Variants in DMD observed in about 807,000 individuals in gnomAD.
DMD encodes the protein mutant dystrophin.
Under a neutral mutation model 330.1 loss-of-function variants are expected in DMD, and 63 were observed. The ratio of observed to expected loss-of-function variants is 0.19; its 90% CI spans 0.16 to 0.24. DMD has a LOEUF of 0.24. Among genes scored for constraint, DMD ranks in the 10% least tolerant of loss-of-function variants. DMD has a pLI of 1.00. For synonymous variants in DMD, 1,223 were observed against 959.8 expected (o/e 1.27, Z -5.07); for missense variants, 3,344 against 2,684.1 (o/e 1.25, Z -5.43).
intron 2 of DMD, among the ~76,000 whole-genome samples, chrX:32,922,516 G>C (rs759053335): frequency 2.7e-5 from 3 of 112,270 alleles, no homozygotes; most frequent in East Asian, 2.8e-4. Context: ...GGGCTGGGGA[G>C]ATGGTTTGGG....
chrX:31,227,158 T>C (rs1321385469), intron 63 of DMD, among the ~76,000 whole-genome samples: 1 of 111,095 alleles, frequency 9.0e-6, no homozygotes, highest in Non-Finnish European at 1.9e-5. Context: ...CTACCCTCTT[T>C]TCCTATTTTC....
chrX:32,688,780 A>C (rs1374237474), intron 9 of DMD, among the ~76,000 whole-genome samples: 1 of 111,817 alleles, frequency 8.9e-6, no homozygotes, highest in Non-Finnish European at 1.9e-5. Flanking sequence ...TTCTTCGAAA[A>C]GTTTAACACC....
chrX:32,775,848 G>A (rs1408010316), intron 7 of DMD, among the ~76,000 whole-genome samples: 2 of 112,830 alleles, frequency 1.8e-5, no homozygotes, highest in African/African-American at 6.4e-5. Context: ...TTACTCCCTA[G>A]AAAATGGGTT....
chrX:33,260,562 C>A (rs1458107643), intron 1 of DMD, among the ~76,000 whole-genome samples: 2 of 110,872 alleles, frequency 1.8e-5, no homozygotes. Context: ...ATTACTGTTA[C>A]AAAATATAGA....
intron 2 of DMD, among the ~76,000 whole-genome samples, chrX:32,964,362 C>T (rs2147070917): frequency 9.1e-6 from 1 of 109,824 alleles, no homozygotes; most frequent in African/African-American, 3.3e-5. Context: ...AGCATTTACT[C>T]TGCTTTGCTT....
At chrX:32,587,835 A>G (rs2054464506) in intron 13 of DMD, among the ~76,000 whole-genome samples, 2 of 111,808 alleles carry the variant, frequency 1.8e-5, no homozygotes, top group South Asian at 3.7e-4. Context: ...ATTGCTTACT[A>G]TATTTCAGTG....
At chrX:31,408,828 A>G (rs960061661) in intron 60 of DMD, among the ~76,000 whole-genome samples, 2 of 112,206 alleles carry the variant, frequency 1.8e-5, no homozygotes, top group Admixed American at 9.4e-5. Flanking sequence ...GTACATGTGC[A>G]CAACGTGCAG....
Position 32,258,344 on chromosome X carries a change from C to T in DMD, c.6290+29185G>A, listed in dbSNP as rs1040987117. 5.4e-5 allele frequency among the ~76,000 whole-genome samples: 6 copies of T among 111,588 alleles called. No homozygotes were observed. In the Admixed American group the frequency reaches 5.7e-4, roughly 11 times the overall value. On this transcript the variant is annotated intron_variant, in intron 43 of 78. Coordinates refer to ENST00000357033, the MANE Select transcript of DMD (RefSeq NM_004006.3). ...TACCCAAAGTATTATAAATCATTCTCCTATAAAGACACATGCACACGTATG... is the reference window on the plus strand; with the variant it reads ...TACCCAAAGTATTATAAATCATTCTTCTATAAAGACACATGCACACGTATG...
intron 48 of DMD, among the ~76,000 whole-genome samples, chrX:31,863,712 A>G (rs1160443287): frequency 8.9e-6 from 1 of 111,809 alleles, no homozygotes; most frequent in Non-Finnish European, 1.9e-5. Context: ...TACTTTAAAT[A>G]CTACTCAATC....
At chrX:32,969,091 GAGGAATC>G (rs1322103023) in intron 2 of DMD, among the ~76,000 whole-genome samples, 2 of 99,463 alleles carry the variant, frequency 2.0e-5, no homozygotes, top group Admixed American at 1.1e-4. Flanking sequence ...TCCACCATGT[GAGGAATC>G]ATCAACAAGA....
chrX:32,589,759 AACTCCTCAGG>A (rs1179361472), intron 13 of DMD, among the ~76,000 whole-genome samples: 5 of 111,527 alleles, frequency 4.5e-5, no homozygotes, highest in Non-Finnish European at 7.5e-5. Flanking sequence ...ATGATATTCT[AACTCCTCAGG>A]ACATAGCTAT....
In DMD at chrX:32,252,787, T is replaced by TAA. The variant is rs1161396690; in HGVS notation, c.6290+34741_6290+34742insTT. On this transcript the variant is annotated intron_variant, in intron 43 of 78. Coordinates refer to ENST00000357033, the MANE Select transcript of DMD (RefSeq NM_004006.3). The stretch of plus-strand genomic sequence containing the variant: ...AAATATATATAAATATATATAAATA[T>TAA]ATATAAATATATATATAAATATATA... 1.9e-4 allele frequency among the ~76,000 whole-genome samples: 13 copies of TAA among 69,999 alleles called. 2 individuals carry two copies. Among genetic ancestry groups the TAA allele is most frequent in the African/African-American group, 8.4e-4 (12 of 14,370 alleles). 60.8% of individuals were successfully genotyped at this position (69,999 alleles called of 115,157 possible). A position where few individuals can be genotyped will look rare whatever the true frequency, so the allele number is the denominator to read the frequency against.
chrX:32,201,013 T>C (rs1045120017), intron 44 of DMD, among the ~76,000 whole-genome samples: 7 of 111,888 alleles, frequency 6.3e-5, no homozygotes, highest in African/African-American at 2.3e-4. Flanking sequence ...TGATGTCATA[T>C]TGTTATGAGC....
At chrX:31,235,993 C>T (rs1454773261) in intron 63 of DMD, among the ~76,000 whole-genome samples, 1 of 112,564 alleles carries the variant, frequency 8.9e-6, no homozygotes, top group Non-Finnish European at 1.9e-5. Context: ...TTCCCTGATC[C>T]AGCCAGGGGA....
chrX:31,823,758 G>A (rs1391393019), intron 49 of DMD, among the ~76,000 whole-genome samples: 6 of 110,181 alleles, frequency 5.4e-5, no homozygotes, highest in Non-Finnish European at 1.1e-4. Flanking sequence ...TTTTTATGTA[G>A]AGACGGGGTT....
chrX:33,152,412 A>T (rs2048322510), intron 1 of DMD, among the ~76,000 whole-genome samples: 1 of 109,946 alleles, frequency 9.1e-6, no homozygotes, highest in Admixed American at 9.9e-5. Flanking sequence ...CACCTGAGGT[A>T]ATCTGCCTGC....
At chrX:32,752,236 G>A (rs1033098857) in intron 7 of DMD, among the ~76,000 whole-genome samples, 1 of 111,526 alleles carries the variant, frequency 9.0e-6, no homozygotes, top group African/African-American at 3.3e-5. Context: ...GCTCATGAAA[G>A]CATCCAGGAG....
intron 43 of DMD, among the ~76,000 whole-genome samples, chrX:32,272,673 C>T (rs1193342581): frequency 9.0e-6 from 1 of 111,550 alleles, no homozygotes; most frequent in Non-Finnish European, 1.9e-5. Flanking sequence ...TTCTAAAACT[C>T]AAAATTATTC....
At chrX:32,478,483 T>C (rs2041478117) in intron 21 of DMD, among the ~76,000 whole-genome samples, 1 of 111,781 alleles carries the variant, frequency 8.9e-6, no homozygotes, top group East Asian at 2.8e-4. Context: ...ATGTGAACAC[T>C]GACAAAGGTG....
Sources: allele counts gnomAD v4.1 joint callset (sites outside exome capture counted in the v4.1 genomes callset), GRCh38; gene constraint gnomAD v4.1.1; transcripts MANE v1.5; gene names NCBI Gene and HGNC (gene_info 2026-07-23, HGNC 2026-07-21).